GCH1: variants seen among roughly 807,000 people sequenced by gnomAD.
GCH1 encodes the protein GTP cyclohydrolase I.
Under a neutral mutation model 25.9 loss-of-function variants are expected in GCH1, and 5 were observed. That is an observed-to-expected ratio of 0.19 (90% CI 0.10 to 0.41). GCH1 has a LOEUF of 0.41. Ranked by LOEUF, GCH1 falls within the 10% of genes least tolerant of loss-of-function variation. The pLI, the probability that GCH1 is intolerant of heterozygous loss-of-function variation, is 1.00. For missense variants in GCH1, 261 were observed against 336.5 expected, an observed-to-expected ratio of 0.78 and a Z score of 1.75; for synonymous variants, 159 against 129.6, an observed-to-expected ratio of 1.23 and a Z score of -1.54.
intron 1 of GCH1, among the ~76,000 whole-genome samples, chr14:54,867,919 T>C (rs116987396): frequency 1.3e-5 from 2 of 152,292 alleles, no homozygotes; most frequent in Non-Finnish European, 2.9e-5. Flanking sequence ...AGTAACTTGG[T>C]GGAGAAACCT....
At chr14:54,847,214 T>C (rs923199905) in intron 3 of GCH1, 84 bp from the exon 4 acceptor site, 2 of 610,072 alleles carry the variant, frequency 3.3e-6, no homozygotes, top group South Asian at 3.4e-5. Flanking sequence ...AAAAAGGACA[T>C]TGTTGAAGCA....
intron 3 of GCH1, among the ~76,000 whole-genome samples, chr14:54,855,414 G>A (rs2039793511): frequency 6.7e-6 from 1 of 149,350 alleles, no homozygotes; most frequent in Non-Finnish European, 1.5e-5. Context: ...GCTGAGGCAG[G>A]AGAATCGCTT....
intron 2 of GCH1, among the ~76,000 whole-genome samples, chr14:54,864,961 TTAAAA>T (rs1192402620): frequency 1.3e-5 from 2 of 151,956 alleles, no homozygotes; most frequent in Non-Finnish European, 2.9e-5. Context: ...ATTATTCAAG[TTAAAA>T]TAAAGGGCAT....
Position 54,902,678 on chromosome 14 carries a change from C to A in GCH1, c.-15G>T. On this transcript the variant is annotated 5_prime_UTR_variant, in exon 1 of 6. Coordinates refer to ENST00000491895, the MANE Select transcript of GCH1 (RefSeq NM_000161.3). Reference sequence around the variant, plus strand: ...CCCTTCTCCATGGACCCGCCGCAGCCGCTGCCGTTCGGGAAGGACCCCGGG... The same window carrying A: ...CCCTTCTCCATGGACCCGCCGCAGCAGCTGCCGTTCGGGAAGGACCCCGGG... The A allele has an allele frequency of 7.0e-7, 1 of 1,437,710 alleles. No homozygotes were observed. The highest frequency in any genetic ancestry group is 1.4e-5 in the South Asian group (1 of 70,908). 89.1% of individuals were successfully genotyped at this position (1,437,710 alleles called of 1,614,324 possible).
intron 1 of GCH1, among the ~76,000 whole-genome samples, chr14:54,893,042 G>A (rs770829305): frequency 4.0e-5 from 6 of 150,844 alleles, no homozygotes; most frequent in Admixed American, 1.3e-4. Context: ...TCATGCCACC[G>A]CACTCCAGCC....
chr14:54,885,718 G>A (rs548796352), intron 1 of GCH1: 32 of 201,904 alleles, frequency 1.6e-4, no homozygotes, highest in African/African-American at 5.9e-4. Flanking sequence ...GCGAAACCCC[G>A]TCTCCACCAA....
chr14:54,846,903 A>G (rs1368826278), intron 4 of GCH1, among the ~76,000 whole-genome samples, 196 bp downstream of exon 4: 2 of 152,178 alleles, frequency 1.3e-5, no homozygotes, highest in African/African-American at 4.8e-5. Flanking sequence ...TCTACTAGAA[A>G]TACAAAAATT....
chr14:54,893,333 G>C (rs2040447058), intron 1 of GCH1, among the ~76,000 whole-genome samples: 1 of 152,176 alleles, frequency 6.6e-6, no homozygotes, highest in African/African-American at 2.4e-5. Flanking sequence ...CCAATGATTA[G>C]ACAGTTGCCC....
rs542447287 is a variant in GCH1 at position 54,899,821 on chromosome 14, C to G, written c.343+2500G>C. Among the ~76,000 whole-genome samples the G allele has an allele frequency of 3.3e-5, 5 of 152,184 alleles. No individual in the cohort carries two copies. In the East Asian group the frequency reaches 9.7e-4, roughly 29 times the overall value. Reference sequence around the variant, plus strand: ...ATCACTACCCATCCCCCTCTTCTCGCCAGTCCCTGACAACTACTAATCTTG... The same window carrying G: ...ATCACTACCCATCCCCCTCTTCTCGGCAGTCCCTGACAACTACTAATCTTG... On this transcript the variant is annotated intron_variant, in intron 1 of 5. Transcript: ENST00000491895.
intron 1 of GCH1, among the ~76,000 whole-genome samples, chr14:54,893,070 C>A (rs1402173086): frequency 6.6e-6 from 1 of 152,226 alleles, no homozygotes; most frequent in African/African-American, 2.4e-5. Flanking sequence ...CAGAGCAAGA[C>A]TCTGCCTCCA....
chr14:54,871,129 G>A (rs576465291), intron 1 of GCH1, among the ~76,000 whole-genome samples: 238 of 152,272 alleles, frequency 1.6e-3, no homozygotes, highest in African/African-American at 5.5e-3. Flanking sequence ...TCACACAGCC[G>A]GGTACTCCTC....
intron 3 of GCH1, among the ~76,000 whole-genome samples, chr14:54,852,137 G>A (rs184537439): frequency 9.4e-4 from 143 of 152,016 alleles, no homozygotes; most frequent in Non-Finnish European, 1.7e-3. Flanking sequence ...ACAGGTTCTC[G>A]GAATCTATGA....
chr14:54,854,978 A>G (rs955085215), intron 3 of GCH1, among the ~76,000 whole-genome samples: 3 of 152,002 alleles, frequency 2.0e-5, no homozygotes, highest in Non-Finnish European at 2.9e-5. Flanking sequence ...CAAGTTCCAT[A>G]CTAGTAATTT....
chr14:54,895,044 A>C (rs140200028), intron 1 of GCH1, among the ~76,000 whole-genome samples: 8 of 152,358 alleles, frequency 5.3e-5, no homozygotes, highest in African/African-American at 1.7e-4. Context: ...TTAGTTCACC[A>C]CAGCAGTCTA....
intron 1 of GCH1, among the ~76,000 whole-genome samples, chr14:54,867,310 G>C (rs1027621602): frequency 6.6e-5 from 10 of 152,084 alleles, no homozygotes; most frequent in Non-Finnish European, 1.3e-4. Context: ...GCTCCAGGCT[G>C]GGTGCAGTGG....
intron 1 of GCH1, chr14:54,885,866 G>A: frequency 5.6e-6 from 1 of 179,798 alleles, no homozygotes; most frequent in South Asian, 1.1e-4. Flanking sequence ...TCCATCCTGG[G>A]CGGCAGAGCT....
At chr14:54,886,067 C>G in intron 1 of GCH1, 1 of 193,956 alleles carries the variant, frequency 5.2e-6, no homozygotes, top group Non-Finnish European at 1.1e-5. Flanking sequence ...GCAGTGTACT[C>G]CAGGACCTCT....
intron 1 of GCH1, among the ~76,000 whole-genome samples, chr14:54,897,579 G>A (rs900566453): frequency 5.9e-5 from 9 of 151,898 alleles, no homozygotes; most frequent in African/African-American, 9.7e-5. Flanking sequence ...GTGAGCCACC[G>A]CGCCCGGCTA....
intron 1 of GCH1, among the ~76,000 whole-genome samples, chr14:54,866,173 T>C (rs1327590747): frequency 1.3e-5 from 2 of 151,952 alleles, no homozygotes; most frequent in Non-Finnish European, 1.5e-5. Flanking sequence ...AACTATGCTA[T>C]GTGCAAAAGA....
Sources: gnomAD v4.1 joint callset for allele counts (sites outside exome capture counted in the v4.1 genomes callset) on GRCh38, gnomAD v4.1.1 for gene constraint, MANE v1.5 for transcripts, NCBI Gene and HGNC (gene_info 2026-07-23, HGNC 2026-07-21) for gene names.